The following GPATCH3 variants were observed in gnomAD, a reference collection of about 807,000 sequenced individuals.
The protein encoded by GPATCH3 is G patch domain-containing protein 3.
Under a neutral mutation model 53.2 loss-of-function variants are expected in GPATCH3, and 45 were observed. The observed-to-expected ratio is 0.85, with a 90% confidence interval of 0.67 to 1.08. The LOEUF is 1.08. GPATCH3 is among the 50% of genes least tolerant of loss of function. The pLI, the probability that GPATCH3 is intolerant of heterozygous loss-of-function variation, is 0.00. For synonymous variants in GPATCH3, 280 were observed against 270.6 expected (o/e 1.03, Z -0.34); for missense variants, 680 against 687.2 (o/e 0.99, Z 0.12).
At chr1:26,897,211 C>T (rs568134975) in intron 2 of GPATCH3, 90 bp downstream of exon 2, 2 of 1,295,672 alleles carry the variant, frequency 1.5e-6, no homozygotes, top group African/African-American at 1.5e-5. Context: ...AGGTTAAGAA[C>T]CCTTGTAATA....
intron 6 of GPATCH3, 30 bp from the exon 7 acceptor site, chr1:26,891,256 G>A (rs367819868): frequency 2.6e-6 from 4 of 1,565,280 alleles, no homozygotes; most frequent in African/African-American, 1.4e-5. Flanking sequence ...CAGTGAGAAG[G>A]CTGCTCTCAA....
chr1:26,897,273 C>T (rs773133053), intron 2 of GPATCH3, 28 bp downstream of exon 2: 1 of 1,597,818 alleles, frequency 6.3e-7, no homozygotes, highest in African/African-American at 1.3e-5. Flanking sequence ...CAGCTGCCAG[C>T]AAGGACAGGG....
rs779718998 is a variant in GPATCH3 at position 26,894,354 on chromosome 1, G to A, written c.933C>T (p.Thr311=). Residue 311 remains threonine (T), a synonymous_variant, in exon 3 of 7, where the codon ACC becomes ACT. Coordinates refer to ENST00000361720, the MANE Select transcript of GPATCH3 (RefSeq NM_022078.3). The stretch of plus-strand genomic sequence containing the variant: ...GCTGCTCAGTGGTCCGCTCCTGCCC[G>A]GTCACGTCCTCATGCAGCGCTTCAT... ...ERHEALHEDV[T]GQERTTEQLF... The A allele has an allele frequency of 8.1e-6, 13 of 1,613,886 alleles. No individual in the cohort carries two copies. The highest frequency in any genetic ancestry group is 2.7e-5 in the African/African-American group (2 of 74,846).
At position 26,897,411 on chromosome 1, in the gene GPATCH3, C is replaced by G; in HGVS notation, c.766G>C (p.Gly256Arg). The G allele has an allele frequency of 6.2e-7, 1 of 1,614,172 alleles. No individual in the cohort carries two copies. The highest frequency in any genetic ancestry group is 1.1e-5 in the South Asian group (1 of 91,084). ...EQEELVYTAE[G>R]EEIPQGTYLA... ...TAGGTTCCTTGGGGTATTTCTTCAC[C>G]CTCTGCTGTATACACAAGCTCTTCC... The change falls in exon 2 of 7, where the codon GGT becomes CGT. Residue 256 changes from glycine (G) to arginine (R), a missense_variant. By Grantham distance (125) the Gly-to-Arg change is moderately radical (BLOSUM62 -2). Coordinates refer to ENST00000361720, the MANE Select transcript of GPATCH3 (RefSeq NM_022078.3).
At chr1:26,892,928 C>G in intron 4 of GPATCH3, 137 bp from the exon 5 acceptor site, 1 of 1,068,244 alleles carries the variant, frequency 9.4e-7, no homozygotes, top group South Asian at 1.6e-5. Flanking sequence ...CTGGGAGCTC[C>G]CCAAAAGTAG....
chr1:26,890,796 CGTTA>C lies in GPATCH3; in HGVS notation c.*210_*213del. 3.9e-6 allele frequency: 3 copies of C among 762,814 alleles called. No homozygotes were observed. Among genetic ancestry groups the C allele is most frequent in the Non-Finnish European group, 4.9e-6 (2 of 408,302 alleles). 47.3% of individuals were successfully genotyped at this position (762,814 alleles called of 1,614,324 possible). A position where few individuals can be genotyped will look rare whatever the true frequency, so the allele number is the denominator to read the frequency against. The stretch of plus-strand genomic sequence containing the variant: ...GGGTTAGAGACCAAAGACAAGCGGT[CGTTA>C]CCCCTAATATCCAAGGGGAGGGGAC... On this transcript the variant is annotated 3_prime_UTR_variant, in exon 7 of 7. Coordinates refer to ENST00000361720, the MANE Select transcript of GPATCH3 (RefSeq NM_022078.3).
intron 1 of GPATCH3, 39 bp downstream of exon 1, chr1:26,899,953 A>T: frequency 6.3e-7 from 1 of 1,586,220 alleles, no homozygotes; most frequent in Non-Finnish European, 8.6e-7. Context: ...CCTCTGTTCC[A>T]GGCCCGTAGG....
intron 2 of GPATCH3, among the ~76,000 whole-genome samples, chr1:26,896,272 A>G (rs1417451113): frequency 6.6e-6 from 1 of 151,692 alleles, no homozygotes; most frequent in African/African-American, 2.4e-5. Context: ...GCACATTTTC[A>G]TCTATGAAAA....
chr1:26,897,832 T>A, intron 1 of GPATCH3, 107 bp from the exon 2 acceptor site: 1 of 884,362 alleles, frequency 1.1e-6, no homozygotes, highest in Non-Finnish European at 1.7e-6. Flanking sequence ...AGTAAACATC[T>A]AGTAAATCCC....
chr1:26,895,345 C>G (rs566380981), intron 2 of GPATCH3, among the ~76,000 whole-genome samples: 1 of 151,954 alleles, frequency 6.6e-6, no homozygotes, highest in East Asian at 1.9e-4. Context: ...GGCAACAAGT[C>G]AAAACCCTAT....
Position 26,900,067 on chromosome 1 carries a change from A to G in GPATCH3, c.376T>C (p.Trp126Arg), listed in dbSNP as rs2081968366. Residue 126 changes from tryptophan to arginine, a missense_variant, in exon 1 of 7, where the codon TGG becomes CGG. Transcript: ENST00000361720. ...AGCCAAGTCCCGTGAGAATCCAGCC[A>G]CCGGCGGCCCGAGTACATGCGAATA... ...RLIRMYSGRR[W>R]LDSHGTWLPG... is the part of the protein sequence containing the mutation. The G allele has an allele frequency of 6.2e-7, 1 of 1,614,122 alleles. No individual in the cohort carries two copies. The highest frequency in any genetic ancestry group is 8.5e-7 in the Non-Finnish European group (1 of 1,180,030).
chr1:26,891,009 G>C lies in GPATCH3; in HGVS notation c.*1C>G. On this transcript the variant is annotated 3_prime_UTR_variant, in exon 7 of 7. Transcript: ENST00000361720. ...GCTATGAAAGGAAGCCCCCAACCCGGTCAGTCAGGCAATGAGGGGCTGTCT... is the reference window on the plus strand; with the variant it reads ...GCTATGAAAGGAAGCCCCCAACCCGCTCAGTCAGGCAATGAGGGGCTGTCT... The C allele has an allele frequency of 1.2e-6, 2 of 1,613,328 alleles. No individual in the cohort carries two copies. Among genetic ancestry groups the C allele is most frequent in the East Asian group, 2.2e-5 (1 of 44,876 alleles).
intron 6 of GPATCH3, among the ~76,000 whole-genome samples, chr1:26,891,518 A>T (rs894467100): frequency 1.5e-5 from 2 of 137,838 alleles, no homozygotes; most frequent in African/African-American, 2.7e-5. Context: ...CTTACTCTTT[A>T]AAAAAAAAAA....
At position 26,896,978 on chromosome 1, in the gene GPATCH3, T is replaced by C. The variant is rs1339259888; in HGVS notation, c.876+323A>G. Among the ~76,000 whole-genome samples, 3 of 147,318 alleles carry C rather than the reference T, an allele frequency of 2.0e-5. No homozygotes were observed. The Admixed American group carries it at 2.1e-4, about 10-fold the overall frequency. On this transcript the variant is annotated intron_variant, in intron 2 of 6. Transcript: ENST00000361720. ...CAGAGCTTGCAGTGAGCCGAGATCG[T>C]GCCACTGCACTCCAGCCTGGACAAC...
chr1:26,900,102 G>C lies in GPATCH3; in HGVS notation c.341C>G (p.Ala114Gly). 6.2e-7 allele frequency: 1 copy of C among 1,614,204 alleles called. No individual in the cohort carries two copies. The highest frequency in any genetic ancestry group is 8.5e-7 in the Non-Finnish European group (1 of 1,180,058). ...CGAGTACATGCGAATAAGCCTCTGA[G>C]CTTGAGCCAACCCCCTTACCGAGAT... The part of the protein sequence containing the change: ...CVISVRGLAQ[A>G]QRLIRMYSGR... Residue 114 changes from alanine to glycine, a missense_variant, in exon 1 of 7, where the codon GCT becomes GGT. Coordinates refer to ENST00000361720, the MANE Select transcript of GPATCH3 (RefSeq NM_022078.3).
chr1:26,895,860 C>T (rs1277359166), intron 2 of GPATCH3, among the ~76,000 whole-genome samples: 11 of 152,156 alleles, frequency 7.2e-5, no homozygotes, highest in Admixed American at 1.3e-4. Context: ...GAACTCCTGA[C>T]CTCAAATGAT....
chr1:26,894,876 G>T (rs1354946214), intron 2 of GPATCH3, among the ~76,000 whole-genome samples: 1 of 152,042 alleles, frequency 6.6e-6, no homozygotes, highest in Non-Finnish European at 1.5e-5. Context: ...GGTGTGTCAG[G>T]CCCTTCCCAT....
At position 26,893,241 on chromosome 1, in the gene GPATCH3, A is replaced by G. The variant is rs771464769; in HGVS notation, c.1111+148T>C. ...AACTAGCACTTAATGTACACAACCA[A>G]AGATGTTTTAAGAGGAACCCTCTCA... On this transcript the variant is annotated intron_variant, in intron 4 of 6. Transcript: ENST00000361720. The G allele has an allele frequency of 8.1e-4, 597 of 734,742 alleles. 1 individual carries two copies. The highest frequency in any genetic ancestry group is 1.3e-3 in the Non-Finnish European group (511 of 397,892). 45.5% of individuals were successfully genotyped at this position (734,742 alleles called of 1,614,324 possible).
chr1:26,893,067 G>A (rs902336892), intron 4 of GPATCH3, among the ~76,000 whole-genome samples: 11 of 152,044 alleles, frequency 7.2e-5, no homozygotes, highest in African/African-American at 1.7e-4. Flanking sequence ...TCCCCCACCC[G>A]GGTCATTTCC....
Sources: gnomAD v4.1 joint callset for allele counts (sites outside exome capture counted in the v4.1 genomes callset) on GRCh38, gnomAD v4.1.1 for gene constraint, MANE v1.5 for transcripts, NCBI Gene and HGNC (gene_info 2026-07-23, HGNC 2026-07-21) for gene names.